The following FANCA variants were observed in gnomAD, a reference collection of about 807,000 sequenced individuals.
FANCA encodes FA complementation group A.
Under a neutral mutation model 194.3 loss-of-function variants are expected in FANCA, and 236 were observed. That is an observed-to-expected ratio of 1.21 (90% CI 1.09 to 1.35). FANCA has a LOEUF of 1.35. Among genes scored for constraint, FANCA ranks in the 40% most tolerant of loss-of-function variants. The pLI is 0.00. For missense variants in FANCA, 2,628 were observed against 1,813.9 expected, an observed-to-expected ratio of 1.45 and a Z score of -8.15; for synonymous variants, 1,014 against 715.8, an observed-to-expected ratio of 1.42 and a Z score of -6.65.
Position 89,737,951 on chromosome 16 carries a change from CT to C in FANCA, c.*649del. 6.2e-7 allele frequency: 1 copy of C among 1,614,072 alleles called. No homozygotes were observed. On this transcript the variant is annotated 3_prime_UTR_variant, in exon 43 of 43. Transcript: ENST00000389301. The stretch of plus-strand genomic sequence containing the variant: ...CCTCCCAGGGCTGTGGCCCTCGCAC[CT>C]TCTTATCTGCCTCTGTCCCCCAGGT...
chr16:89,753,411 G>A (rs966789565), intron 30 of FANCA, among the ~76,000 whole-genome samples: 3 of 152,188 alleles, frequency 2.0e-5, no homozygotes, highest in African/African-American at 7.2e-5. Flanking sequence ...CTCTCTCATC[G>A]CCGCACACAG....
At position 89,799,638 on chromosome 16, in the gene FANCA, C is replaced by G; in HGVS notation, c.793G>C (p.Val265Leu). Residue 265 changes from valine (V) to leucine (L), a missense_variant and splice_region_variant, in exon 9 of 43, where the codon GTC (valine) becomes CTC (leucine). Coordinates refer to ENST00000389301, the MANE Select transcript of FANCA (RefSeq NM_000135.4). ...ATTCTCTGCAGTACATCAACCGTGA[C>G]CTGTCAAAATAGAATGTGAGTTACC... ...RTVEPEKMPQ[V>L]TVDVLQRMLI... 1 of 1,611,864 alleles carries G rather than the reference C, an allele frequency of 6.2e-7. No homozygotes were observed. Among genetic ancestry groups the G allele is most frequent in the South Asian group, 1.1e-5 (1 of 91,028 alleles).
intron 30 of FANCA, among the ~76,000 whole-genome samples, chr16:89,755,277 C>A (rs948614252): frequency 2.0e-5 from 3 of 151,632 alleles, no homozygotes; most frequent in Admixed American, 6.6e-5. Flanking sequence ...GTGGCACAAT[C>A]TGGGCTCATT....
chr16:89,750,371 G>A (rs535584197), intron 31 of FANCA, among the ~76,000 whole-genome samples: 4 of 151,890 alleles, frequency 2.6e-5, no homozygotes, highest in South Asian at 2.1e-4. Context: ...TAGTCCCAGC[G>A]ACTCAGGCGG....
intron 26 of FANCA, among the ~76,000 whole-genome samples, chr16:89,767,585 T>C (rs1258872005): frequency 3.3e-5 from 5 of 152,016 alleles, no homozygotes; most frequent in Non-Finnish European, 7.4e-5. Flanking sequence ...AGTCTTGCTC[T>C]GTTGCCAAGC....
chr16:89,799,128 C>T (rs2040351621), intron 10 of FANCA, 38 bp downstream of exon 10: 1 of 1,614,064 alleles, frequency 6.2e-7, no homozygotes, highest in African/African-American at 1.3e-5. Context: ...AGACACCTCC[C>T]TGCTGCACAC....
rs2062115558 is a variant in FANCA at position 89,740,844 on chromosome 16, A to G, written c.3788T>C (p.Phe1263Ser). 4 of 1,613,086 alleles carry G rather than the reference A, an allele frequency of 2.5e-6. No homozygotes were observed. The South Asian group carries it at 3.3e-5, about 13-fold the overall frequency. The change falls in exon 38 of 43, where the codon TTC (phenylalanine) becomes TCC (serine). Residue 1263 changes from phenylalanine to serine, a missense_variant. Phe to Ser is a radical substitution (Grantham distance 155). Coordinates refer to ENST00000389301, the MANE Select transcript of FANCA (RefSeq NM_000135.4). Reference sequence around the variant, plus strand: ...TGACGACAGCAGGCCCATCAAGGAGAAGAAGAAAAGGAAAACCAATAGCTG... The same window carrying G: ...TGACGACAGCAGGCCCATCAAGGAGGAGAAGAAAAGGAAAACCAATAGCTG... ...REELLVFLFF[F>S]SLMGLLSSHL...
rs764049034 is a variant in FANCA, at chr16:89,737,756, G to A, written c.*845C>T. ...TTCACATTGTCATCGTCGTCCCCCC[G>A]GGAGGTTGGAGCATCAGGGGCCTGG... is the stretch of plus-strand genomic sequence containing the variant. On this transcript the variant is annotated 3_prime_UTR_variant, in exon 43 of 43. Transcript: ENST00000389301. 9.3e-6 allele frequency: 15 copies of A among 1,610,418 alleles called. No individual in the cohort carries two copies. Among genetic ancestry groups the A allele is most frequent in the East Asian group, 4.5e-5 (2 of 44,770 alleles).
chr16:89,797,125 A>T (rs1185796847), intron 10 of FANCA, among the ~76,000 whole-genome samples: 2 of 152,106 alleles, frequency 1.3e-5, no homozygotes, highest in East Asian at 3.9e-4. Flanking sequence ...GCACCACTGC[A>T]CTCCAGCATG....
intron 35 of FANCA, 42 bp downstream of exon 35, chr16:89,746,542 C>T (rs375494431): frequency 1.0e-4 from 158 of 1,533,558 alleles, no homozygotes; most frequent in African/African-American, 1.4e-4. Context: ...GAGTCTCCCA[C>T]TCATCCCCAA....
chr16:89,806,575 C>A (rs2040656942), intron 6 of FANCA, among the ~76,000 whole-genome samples: 1 of 151,882 alleles, frequency 6.6e-6, no homozygotes, highest in Non-Finnish European at 1.5e-5. Flanking sequence ...TGCCTTCAAG[C>A]ATCTGTTTAA....
At chr16:89,752,282 G>A (rs111659129) in intron 30 of FANCA, 60 bp from the exon 31 acceptor site, 2 of 1,358,436 alleles carry the variant, frequency 1.5e-6, no homozygotes, top group East Asian at 2.3e-5. Flanking sequence ...GAAGTTCCCA[G>A]TTCTCCTCCT....
At chr16:89,772,793 T>C (rs2039367962) in intron 22 of FANCA, among the ~76,000 whole-genome samples, 1 of 149,812 alleles carries the variant, frequency 6.7e-6, no homozygotes, top group South Asian at 2.1e-4. Context: ...CACTCCAGCC[T>C]GGGGGACAGA....
intron 9 of FANCA, 73 bp from the exon 10 acceptor site, chr16:89,799,305 G>A (rs756052129): frequency 2.6e-4 from 404 of 1,568,848 alleles, no homozygotes; most frequent in Admixed American, 9.2e-4. Context: ...ATCCCCAGGC[G>A]CTTTCAGACA....
chr16:89,779,072 C>A lies in FANCA; in HGVS notation c.1716-69G>T, dbSNP rs55920531. 8.8e-4 allele frequency: 1,314 copies of A among 1,491,670 alleles called. 21 individuals carry two copies. In the South Asian group the frequency reaches 0.014, roughly 16 times the overall value. The allele number at this position is 1,491,670 out of a possible 1,614,324, so 92.4% of individuals were successfully genotyped here. A position where few individuals can be genotyped will look rare whatever the true frequency, so the allele number is the denominator to read the frequency against. ...GAAGGCAATTCCCACAGACGGTGAC[C>A]GGTGTTTCAGAGAGTGGACTGCGAG... On this transcript the variant is annotated intron_variant, in intron 18 of 42. Coordinates refer to ENST00000389301, the MANE Select transcript of FANCA (RefSeq NM_000135.4).
At chr16:89,777,575 A>G (rs1489293376) in intron 20 of FANCA, among the ~76,000 whole-genome samples, 1 of 151,794 alleles carries the variant, frequency 6.6e-6, no homozygotes, top group African/African-American at 2.4e-5. Flanking sequence ...AATACAAAAA[A>G]AGAAAAAAAA....
chr16:89,765,999 A>T lies in FANCA; in HGVS notation c.2602-933T>A, dbSNP rs936730601. Reference sequence around the variant, plus strand: ...TGAAGTTGAAAACCATTATTTATTTATTTTTTTTTTTTTTTGAGGTGGAGT... The same window carrying T: ...TGAAGTTGAAAACCATTATTTATTTTTTTTTTTTTTTTTTTGAGGTGGAGT... On this transcript the variant is annotated intron_variant, in intron 27 of 42. Transcript: ENST00000389301. Among the ~76,000 whole-genome samples, 323 of 144,126 alleles carry T rather than the reference A, an allele frequency of 2.2e-3. 2 individuals carry two copies. The highest frequency in any genetic ancestry group is 6.5e-3 in the African/African-American group (253 of 39,072). 94.6% of individuals were successfully genotyped at this position (144,126 alleles called of 152,430 possible). A position where few individuals can be genotyped will look rare whatever the true frequency, so the allele number is the denominator to read the frequency against.
At chr16:89,764,692 C>T in intron 28 of FANCA, 198 bp downstream of exon 28, 2 of 697,116 alleles carry the variant, frequency 2.9e-6, no homozygotes, top group Non-Finnish European at 5.3e-6. Flanking sequence ...GCTGTTCTTG[C>T]CTCTGAGGAG....
intron 22 of FANCA, among the ~76,000 whole-genome samples, chr16:89,772,188 C>A (rs796986451): frequency 1.3e-5 from 2 of 152,224 alleles, no homozygotes; most frequent in Admixed American, 1.3e-4. Context: ...CACACATAGC[C>A]CAACTACATC....
Sources: gnomAD v4.1 joint callset for allele counts (sites outside exome capture counted in the v4.1 genomes callset) on GRCh38, gnomAD v4.1.1 for gene constraint, MANE v1.5 for transcripts, NCBI Gene and HGNC (gene_info 2026-07-23, HGNC 2026-07-21) for gene names.